The following FAM171B variants were observed in gnomAD, a reference collection of about 807,000 sequenced individuals.
FAM171B encodes family with sequence similarity 171 member B, also known as protein FAM171B.
Under a neutral mutation model 75.6 loss-of-function variants are expected in FAM171B, and 19 were observed. The observed-to-expected ratio is 0.25, with a 90% CI of 0.18 to 0.37. The LOEUF is 0.37. FAM171B is among the 10% of genes least tolerant of loss of function. FAM171B has a pLI of 1.00. For missense variants in FAM171B, 848 were observed against 982.4 expected, an observed-to-expected ratio of 0.86 and a Z score of 1.83; for synonymous variants, 367 against 361.7, an observed-to-expected ratio of 1.01 and a Z score of -0.17.
intron 6 of FAM171B, among the ~76,000 whole-genome samples, chr2:186,758,149 G>A (rs925482507): frequency 3.3e-5 from 5 of 152,070 alleles, no homozygotes; most frequent in African/African-American, 7.2e-5. Flanking sequence ...GTGAGCCAAG[G>A]ACTGGTGTCA....
At chr2:186,750,845 C>CT (rs1690442350) in intron 4 of FAM171B, among the ~76,000 whole-genome samples, 1 of 152,024 alleles carries the variant, frequency 6.6e-6, no homozygotes, top group East Asian at 1.9e-4. Flanking sequence ...TTGGTTGTTG[C>CT]TTTTTAGATT....
In FAM171B at chr2:186,761,115, T is replaced by C; in HGVS notation, c.1015T>C (p.Ser339Pro). Residue 339 changes from serine (S) to proline (P), a missense_variant and splice_region_variant, in exon 7 of 8, where the codon TCA becomes CCA. Around this residue, in one of 3 missense-constraint regions of FAM171B, gnomAD observed 665 missense variants for 729.0 expected, o/e 0.91. Transcript: ENST00000304698. ...TTTGTTTATATTGAACCATGTAGGT[T>C]CAGGTATAAATGAAGATTCCAAGGA... Reference protein sequence around the residue: ...IAAPLPGTRGSGINEDSKDIT... With the variant: ...IAAPLPGTRGPGINEDSKDIT... The C allele has an allele frequency of 6.2e-7, 1 of 1,607,504 alleles. No homozygotes were observed. The highest frequency in any genetic ancestry group is 8.5e-7 in the Non-Finnish European group (1 of 1,177,252).
intron 1 of FAM171B, among the ~76,000 whole-genome samples, chr2:186,711,447 C>A (rs1350134555): frequency 6.6e-6 from 1 of 152,090 alleles, no homozygotes; most frequent in East Asian, 1.9e-4. Context: ...ATGGAAATGG[C>A]AAGATGTAAA....
chr2:186,714,031 C>T (rs549977835), intron 1 of FAM171B, among the ~76,000 whole-genome samples: 1 of 152,056 alleles, frequency 6.6e-6, no homozygotes, highest in Non-Finnish European at 1.5e-5. Context: ...GAATATTTTA[C>T]AGCTCTCTTT....
chr2:186,754,184 A>C, intron 6 of FAM171B, 135 bp downstream of exon 6: 3 of 619,736 alleles, frequency 4.8e-6, no homozygotes, highest in Non-Finnish European at 5.5e-6. Context: ...ACTTGATCTC[A>C]GCTTATTTTT....
intron 6 of FAM171B, among the ~76,000 whole-genome samples, chr2:186,754,615 C>A (rs763582481): frequency 1.3e-5 from 2 of 152,148 alleles, no homozygotes; most frequent in Non-Finnish European, 2.9e-5. Context: ...TCCTATTGGC[C>A]CACTTTTGGG....
At chr2:186,708,150 A>G (rs1689759134) in intron 1 of FAM171B, among the ~76,000 whole-genome samples, 1 of 152,158 alleles carries the variant, frequency 6.6e-6, no homozygotes, top group African/African-American at 2.4e-5. Context: ...TGGCTTCTCC[A>G]GAGTATATAA....
intron 1 of FAM171B, among the ~76,000 whole-genome samples, chr2:186,718,546 T>G (rs939889877): frequency 2.0e-5 from 3 of 152,202 alleles, no homozygotes; most frequent in African/African-American, 7.2e-5. Flanking sequence ...TCTATCCCTG[T>G]AATACTTTGT....
intron 1 of FAM171B, among the ~76,000 whole-genome samples, chr2:186,702,983 C>T (rs1489392860): frequency 6.6e-6 from 1 of 151,428 alleles, no homozygotes; most frequent in African/African-American, 2.4e-5. Context: ...ATTTCATTTG[C>T]CAGTATAATC....
intron 1 of FAM171B, among the ~76,000 whole-genome samples, chr2:186,701,788 C>G (rs1689663780): frequency 6.6e-6 from 1 of 152,126 alleles, no homozygotes; most frequent in Non-Finnish European, 1.5e-5. Context: ...TTATAGTGTT[C>G]TTAATGTGAG....
chr2:186,702,045 A>T (rs370973321), intron 1 of FAM171B, among the ~76,000 whole-genome samples: 28 of 152,360 alleles, frequency 1.8e-4, no homozygotes, highest in Admixed American at 1.1e-3. Flanking sequence ...TACCTGGAAG[A>T]GTCTAAAACC....
intron 1 of FAM171B, among the ~76,000 whole-genome samples, chr2:186,722,409 CCA>C (rs1243940376): frequency 6.6e-6 from 1 of 151,980 alleles, no homozygotes; most frequent in Non-Finnish European, 1.5e-5. Flanking sequence ...AGATATGGAA[CCA>C]CTAAAAATAG....
chr2:186,721,114 T>C (rs544560505), intron 1 of FAM171B, among the ~76,000 whole-genome samples: 94 of 152,350 alleles, frequency 6.2e-4, no homozygotes, highest in Middle Eastern at 3.4e-3. Flanking sequence ...CCCTTCAGGA[T>C]ATTACCTATT....
chr2:186,749,318 G>C (rs1397630979), intron 4 of FAM171B, among the ~76,000 whole-genome samples: 1 of 151,956 alleles, frequency 6.6e-6, no homozygotes. Flanking sequence ...TTAAATGCTG[G>C]TGTGTCAGTT....
chr2:186,707,438 C>T (rs766051186), intron 1 of FAM171B, among the ~76,000 whole-genome samples: 2 of 152,182 alleles, frequency 1.3e-5, no homozygotes, highest in Non-Finnish European at 2.9e-5. Context: ...GCACATCAAC[C>T]GGCCTCCTTA....
intron 1 of FAM171B, among the ~76,000 whole-genome samples, chr2:186,738,791 CCTTT>C: frequency 6.6e-6 from 1 of 152,190 alleles, no homozygotes; most frequent in South Asian, 2.1e-4. Context: ...TCACTGCTGT[CCTTT>C]CTTCTTTTTT....
intron 1 of FAM171B, among the ~76,000 whole-genome samples, chr2:186,717,095 A>G (rs1689885965): frequency 6.6e-6 from 1 of 152,176 alleles, no homozygotes; most frequent in African/African-American, 2.4e-5. Flanking sequence ...TGGCTCTTAA[A>G]ATAGACTATA....
In FAM171B at chr2:186,747,944, A is replaced by T. The variant is rs1690391601; in HGVS notation, c.724+694A>T. Among the ~76,000 whole-genome samples, 4 of 151,700 alleles carry T rather than the reference A, an allele frequency of 2.6e-5. No homozygotes were observed. In the South Asian group the frequency reaches 8.3e-4, roughly 31 times the overall value. On this transcript the variant is annotated intron_variant, in intron 4 of 7. Coordinates refer to ENST00000304698, the MANE Select transcript of FAM171B (RefSeq NM_177454.4). ...TCCACCATTTTTTTTTTCTTTTGAG[A>T]CAGGGTCTTGCTCTGTTTCCCAAGC...
intron 4 of FAM171B, among the ~76,000 whole-genome samples, chr2:186,749,471 G>A (rs776562691): frequency 6.6e-5 from 10 of 152,160 alleles, no homozygotes; most frequent in Non-Finnish European, 1.3e-4. Flanking sequence ...TGTGCTTGCA[G>A]TGGATGGCTT....
Sources: allele counts gnomAD v4.1 joint callset (sites outside exome capture counted in the v4.1 genomes callset), GRCh38; gene constraint gnomAD v4.1.1; regional missense constraint gnomAD v4.1.1; transcripts MANE v1.5; gene names NCBI Gene and HGNC (gene_info 2026-07-23, HGNC 2026-07-21).